SMPD3: variants seen among roughly 807,000 people sequenced by gnomAD.
The protein encoded by SMPD3 is sphingomyelin phosphodiesterase 3.
In SMPD3, 21 loss-of-function variants were observed where a neutral mutation model predicts 55.7. The observed-to-expected ratio is 0.38, with a 90% CI of 0.27 to 0.54. SMPD3 has a LOEUF of 0.54. Among genes scored for constraint, SMPD3 ranks in the 20% least tolerant of loss-of-function variants. The probability of loss-of-function intolerance (pLI) is 0.80; values close to 1 mark genes in which losing one functional copy is unlikely to be tolerated. For synonymous variants in SMPD3, 457 were observed against 404.3 expected (o/e 1.13, Z -1.56); for missense variants, 842 against 899.6 (o/e 0.94, Z 0.82).
In SMPD3 at chr16:68,416,695, C is replaced by T. The variant is rs1227327591; in HGVS notation, c.-268-30036G>A. Among the ~76,000 whole-genome samples, 2 of 152,158 alleles carry T rather than the reference C, an allele frequency of 1.3e-5. 1 individual carries two copies. The highest frequency in any genetic ancestry group is 3.9e-4 in the East Asian group (2 of 5,194). ...AGCTGTGTGAATGTAGGTAGGTGTG[C>T]CTTAGGTGAGTGTTTAATAGTTTCC... On this transcript the variant is annotated intron_variant, in intron 1 of 8. Transcript: ENST00000219334.
chr16:68,402,083 C>A (rs1219651627), intron 1 of SMPD3, among the ~76,000 whole-genome samples: 1 of 152,226 alleles, frequency 6.6e-6, no homozygotes, highest in Non-Finnish European at 1.5e-5. Flanking sequence ...TGGCTAGTGA[C>A]CTTCCTCTGA....
Position 68,371,156 on chromosome 16 carries a change from G to C in SMPD3, c.1026C>G (p.Asp342Glu), listed in dbSNP as rs774506167. 1 of 1,613,450 alleles carries C rather than the reference G, an allele frequency of 6.2e-7. No homozygotes were observed. Among genetic ancestry groups the C allele is most frequent in the African/African-American group, 1.3e-5 (1 of 74,936 alleles). Reference sequence around the variant, plus strand: ...CGGAGACCTCATGGTCGAAGGCCTCGTCGGGGTGCCGCCTCCTGCGTGCAG... The same window carrying C: ...CGGAGACCTCATGGTCGAAGGCCTCCTCGGGGTGCCGCCTCCTGCGTGCAG... ...KAAARRRRHPDEAFDHEVSAF... is the reference protein window; with the variant it reads ...KAAARRRRHPEEAFDHEVSAF... The change falls in exon 3 of 9, where the codon GAC becomes GAG. Residue 342 changes from aspartate (D) to glutamate (E), a missense_variant. Physicochemically the swap from Asp to Glu is conservative, Grantham distance 45 (BLOSUM62 2). Coordinates refer to ENST00000219334, the MANE Select transcript of SMPD3 (RefSeq NM_018667.4).
chr16:68,366,408 C>T (rs2089479315), intron 3 of SMPD3, among the ~76,000 whole-genome samples: 1 of 152,244 alleles, frequency 6.6e-6, no homozygotes, highest in Admixed American at 6.5e-5. Flanking sequence ...GGGGTACGAA[C>T]GTCTGGCTGT....
At chr16:68,430,652 C>T (rs1190914289) in intron 1 of SMPD3, among the ~76,000 whole-genome samples, 2 of 152,170 alleles carry the variant, frequency 1.3e-5, no homozygotes, top group Non-Finnish European at 2.9e-5. Flanking sequence ...CCCCATCACC[C>T]CACTGTTCAT....
chr16:68,400,412 T>C (rs1297242261), intron 1 of SMPD3, among the ~76,000 whole-genome samples: 1 of 152,190 alleles, frequency 6.6e-6, no homozygotes, highest in East Asian at 1.9e-4. Flanking sequence ...TCCCAGGAAA[T>C]GGACCTAACC....
intron 1 of SMPD3, among the ~76,000 whole-genome samples, chr16:68,407,054 G>A (rs755498005): frequency 5.9e-5 from 9 of 152,248 alleles, no homozygotes; most frequent in Middle Eastern, 3.4e-3. Context: ...AGATTGGGAC[G>A]TGGGGCCAGA....
intron 2 of SMPD3, among the ~76,000 whole-genome samples, chr16:68,383,956 G>A (rs527795203): frequency 4.6e-5 from 7 of 152,284 alleles, no homozygotes; most frequent in African/African-American, 1.7e-4. Context: ...CCTAGACACT[G>A]TAACAGATTC....
chr16:68,428,707 A>G (rs936423261), intron 1 of SMPD3, among the ~76,000 whole-genome samples: 2 of 152,200 alleles, frequency 1.3e-5, no homozygotes, highest in Non-Finnish European at 2.9e-5. Context: ...GGATGTTTGC[A>G]AGAGGCAGTC....
chr16:68,431,013 G>A (rs935787331), intron 1 of SMPD3, among the ~76,000 whole-genome samples: 1 of 152,192 alleles, frequency 6.6e-6, no homozygotes, highest in Admixed American at 6.5e-5. Context: ...TGTGCAGGGA[G>A]TGGGGACAGA....
At chr16:68,424,022 C>A (rs2090416850) in intron 1 of SMPD3, among the ~76,000 whole-genome samples, 1 of 151,654 alleles carries the variant, frequency 6.6e-6, no homozygotes, top group Non-Finnish European at 1.5e-5. Flanking sequence ...GGGACGTCAC[C>A]TGCCCAGTCA....
intron 2 of SMPD3, among the ~76,000 whole-genome samples, chr16:68,378,818 A>G (rs1364173513): frequency 1.3e-5 from 2 of 152,160 alleles, no homozygotes; most frequent in Admixed American, 1.3e-4. Context: ...CCTGCATTTT[A>G]TCTGAGATGG....
chr16:68,376,577 T>C (rs528472664), intron 2 of SMPD3, among the ~76,000 whole-genome samples: 1 of 152,216 alleles, frequency 6.6e-6, no homozygotes, highest in Non-Finnish European at 1.5e-5. Flanking sequence ...CATGGATTTG[T>C]CCCCTTTGCG....
At chr16:68,395,188 A>G (rs146639854) in intron 1 of SMPD3, among the ~76,000 whole-genome samples, 3,263 of 152,096 alleles carry the variant, frequency 0.021, 58 homozygotes, top group Non-Finnish European at 0.033. Flanking sequence ...CTCACCTTCC[A>G]AAAGTCAGTA....
intron 1 of SMPD3, among the ~76,000 whole-genome samples, chr16:68,442,609 TA>T (rs1828167278): frequency 6.6e-6 from 1 of 152,192 alleles, no homozygotes; most frequent in South Asian, 2.1e-4. Context: ...CATATTGGCC[TA>T]AAATCTTAAC....
intron 1 of SMPD3, among the ~76,000 whole-genome samples, chr16:68,388,686 C>T (rs2090084177): frequency 6.6e-6 from 1 of 152,078 alleles, no homozygotes; most frequent in African/African-American, 2.4e-5. Flanking sequence ...AAAATCCCTG[C>T]ATGTTTTTTT....
intron 2 of SMPD3, among the ~76,000 whole-genome samples, chr16:68,377,945 G>A (rs1359947718): frequency 6.6e-6 from 1 of 152,204 alleles, no homozygotes; most frequent in South Asian, 2.1e-4. Context: ...CTCTGAGCCC[G>A]GGGGAGCTTC....
chr16:68,408,153 C>T (rs535835775), intron 1 of SMPD3, among the ~76,000 whole-genome samples: 1 of 152,278 alleles, frequency 6.6e-6, no homozygotes, highest in East Asian at 1.9e-4. Flanking sequence ...GCCCCAGCTA[C>T]TAAAATGAAC....
chr16:68,426,370 A>G (rs2090435792), intron 1 of SMPD3, among the ~76,000 whole-genome samples: 1 of 152,166 alleles, frequency 6.6e-6, no homozygotes, highest in African/African-American at 2.4e-5. Flanking sequence ...AGAGAAAACA[A>G]AGAGTGGTGA....
intron 1 of SMPD3, among the ~76,000 whole-genome samples, chr16:68,395,494 G>A (rs987612278): frequency 1.3e-5 from 2 of 152,164 alleles, no homozygotes; most frequent in African/African-American, 2.4e-5. Context: ...GGTTTAAAGC[G>A]TGCCCTCTGG....
Sources: gnomAD v4.1 joint callset for allele counts (sites outside exome capture counted in the v4.1 genomes callset) on GRCh38, gnomAD v4.1.1 for gene constraint, MANE v1.5 for transcripts, NCBI Gene and HGNC (gene_info 2026-07-23, HGNC 2026-07-21) for gene names.